ZC3H18: variants seen among roughly 807,000 people sequenced by gnomAD.
ZC3H18 encodes the protein zinc finger CCCH-type containing 18.
Under a neutral mutation model 106.1 loss-of-function variants are expected in ZC3H18, and 8 were observed. The observed-to-expected ratio is 0.08, with a 90% confidence interval of 0.04 to 0.14. The LOEUF (loss-of-function observed/expected upper bound fraction) is 0.14. ZC3H18 is among the 10% of genes least tolerant of loss of function. The probability of loss-of-function intolerance (pLI) is 1.00; values close to 1 mark genes in which losing one functional copy is unlikely to be tolerated. For synonymous variants in ZC3H18, 635 were observed against 522.1 expected (o/e 1.22, Z -2.95); for missense variants, 1,318 against 1,278.4 (o/e 1.03, Z -0.47).
intron 2 of ZC3H18, among the ~76,000 whole-genome samples, chr16:88,584,238 A>G (rs369418390): frequency 1.6e-4 from 25 of 152,258 alleles, no homozygotes; most frequent in Middle Eastern, 3.4e-3. Flanking sequence ...CCTGGCCAAC[A>G]TGGCAAAACC....
intron 8 of ZC3H18, among the ~76,000 whole-genome samples, chr16:88,620,199 C>T (rs1488061482): frequency 1.3e-5 from 2 of 152,212 alleles, no homozygotes; most frequent in East Asian, 1.9e-4. Flanking sequence ...TGTCGTGTGA[C>T]GTAAGCAGAT....
chr16:88,590,760 A>G (rs1399341933), intron 3 of ZC3H18, among the ~76,000 whole-genome samples: 1 of 150,940 alleles, frequency 6.6e-6, no homozygotes, highest in Non-Finnish European at 1.5e-5. Context: ...GGGTTTCATC[A>G]TGTTGGCCAG....
rs1038761515 is a variant in ZC3H18 at position 88,628,569 on chromosome 16, A to G, written c.2470-189A>G. The G allele has an allele frequency of 1.6e-5, 10 of 607,488 alleles. No individual in the cohort carries two copies. The Admixed American group carries it at 2.1e-4, about 13-fold the overall frequency. 37.6% of individuals were successfully genotyped at this position (607,488 alleles called of 1,614,324 possible). On this transcript the variant is annotated intron_variant, in intron 15 of 17. Transcript: ENST00000301011. ...TTCCCCTGGAACGTGAAGGGCCCCAAGTGCACAGTGGGGGTGCCCTTGGTC... is the reference window on the plus strand; with the variant it reads ...TTCCCCTGGAACGTGAAGGGCCCCAGGTGCACAGTGGGGGTGCCCTTGGTC...
intron 2 of ZC3H18, among the ~76,000 whole-genome samples, chr16:88,582,454 C>T (rs1244785139): frequency 2.0e-5 from 3 of 152,168 alleles, no homozygotes; most frequent in African/African-American, 7.2e-5. Flanking sequence ...GACCTCCTGA[C>T]CTCGTGATCC....
intron 8 of ZC3H18, among the ~76,000 whole-genome samples, chr16:88,619,515 C>G (rs1597354860): frequency 6.6e-6 from 1 of 152,284 alleles, no homozygotes; most frequent in Non-Finnish European, 1.5e-5. Context: ...TCACTGACCC[C>G]TGCTGGGCCT....
At chr16:88,603,217 C>G (rs1271961769) in intron 6 of ZC3H18, among the ~76,000 whole-genome samples, 2 of 151,976 alleles carry the variant, frequency 1.3e-5, no homozygotes, top group Non-Finnish European at 1.5e-5. Context: ...CTGCCTGCCT[C>G]GGCCTCCCAA....
At chr16:88,631,009 G>A in intron 17 of ZC3H18, 92 bp from the exon 18 acceptor site, 4 of 1,523,174 alleles carry the variant, frequency 2.6e-6, no homozygotes, top group Non-Finnish European at 3.6e-6. Context: ...TGGCCGCTGA[G>A]GACACAGTGG....
In ZC3H18 at chr16:88,630,559, G is replaced by T; in HGVS notation, c.2641G>T (p.Ala881Ser). Residue 881 changes from alanine (A) to serine (S), a missense_variant, in exon 17 of 18, where the codon GCC becomes TCC. By Grantham distance (99) the Ala-to-Ser change is moderately conservative. This residue lies in a region of ZC3H18 where 848 missense variants were observed against 821.7 expected (regional missense o/e 1.03). Transcript: ENST00000301011. ...GCGGCAGAGAGGCCAGAACTCCAAAGCCCCTGCAGCCCCGGCTGACAGGTG... is the reference window on the plus strand; with the variant it reads ...GCGGCAGAGAGGCCAGAACTCCAAATCCCCTGCAGCCCCGGCTGACAGGTG... ...PERQRGQNSK[A>S]PAAPADRKRQ... is the part of the protein sequence containing the mutation. 6.2e-7 allele frequency: 1 copy of T among 1,608,804 alleles called. No homozygotes were observed. Among genetic ancestry groups the T allele is most frequent in the Non-Finnish European group, 8.5e-7 (1 of 1,178,864 alleles).
chr16:88,590,038 T>G (rs1048968370), intron 3 of ZC3H18, among the ~76,000 whole-genome samples: 15 of 152,218 alleles, frequency 9.9e-5, no homozygotes, highest in Admixed American at 8.5e-4. Context: ...ATCCTAGCAC[T>G]TTGGGAAGCT....
intron 1 of ZC3H18, 63 bp downstream of exon 1, chr16:88,570,629 C>G (rs940874554): frequency 6.6e-6 from 1 of 150,446 alleles, no homozygotes; most frequent in African/African-American, 2.4e-5. Flanking sequence ...AGGAGGCCGC[C>G]GAGGCGGCGG....
rs1036828939 is a variant in ZC3H18 at position 88,609,166 on chromosome 16, A to G, written c.1206+115A>G. ...TATATGAGCTTATAGAGCCAGCACA[A>G]TGTACCAATTTGAAAACCAAATTGA... On this transcript the variant is annotated intron_variant, in intron 7 of 17. Coordinates refer to ENST00000301011, the MANE Select transcript of ZC3H18 (RefSeq NM_144604.4). The G allele has an allele frequency of 1.1e-5, 8 of 749,228 alleles. No homozygotes were observed. In the South Asian group the frequency reaches 1.1e-4, roughly 11 times the overall value. The allele number at this position is 749,228 out of a possible 1,614,324, so 46.4% of individuals were successfully genotyped here. A position where few individuals can be genotyped will look rare whatever the true frequency, so the allele number is the denominator to read the frequency against.
At chr16:88,625,588 G>T (rs140478757) in intron 13 of ZC3H18, 1 of 363,250 alleles carries the variant, frequency 2.8e-6, no homozygotes, top group Admixed American at 4.2e-5. Flanking sequence ...GGGAGGAGCC[G>T]GCAGCTTCCA....
rs143439252 is a variant in ZC3H18, at chr16:88,571,993, T to C, written c.-15+1427T>C. On this transcript the variant is annotated intron_variant, in intron 1 of 17. Coordinates refer to ENST00000301011, the MANE Select transcript of ZC3H18 (RefSeq NM_144604.4). ...AATCTCTTTAGAACTCCTGTTGTGG[T>C]AGTAAAAATGTAGTCATATGGGAAA... 4.6e-5 allele frequency among the ~76,000 whole-genome samples: 7 copies of C among 152,338 alleles called. No homozygotes were observed. The East Asian group carries it at 1.2e-3, about 25-fold the overall frequency.
intron 8 of ZC3H18, among the ~76,000 whole-genome samples, chr16:88,616,856 G>T (rs1905639876): frequency 6.6e-6 from 1 of 152,168 alleles, no homozygotes; most frequent in African/African-American, 2.4e-5. Context: ...CTGCACCAGG[G>T]CTAGGCCTTG....
rs1032925136 is a variant in ZC3H18 at position 88,631,460 on chromosome 16, C to T, written c.*161C>T. On this transcript the variant is annotated 3_prime_UTR_variant, in exon 18 of 18. Coordinates refer to ENST00000301011, the MANE Select transcript of ZC3H18 (RefSeq NM_144604.4). Reference sequence around the variant, plus strand: ...AAAGAAGCCACACAGGAAATGACAACGACGCTGAATCCCAGCCTCCCTCCC... The same window carrying T: ...AAAGAAGCCACACAGGAAATGACAATGACGCTGAATCCCAGCCTCCCTCCC... 1.3e-4 allele frequency: 132 copies of T among 983,604 alleles called. 1 individual carries two copies. Among genetic ancestry groups the T allele is most frequent in the Non-Finnish European group, 2.7e-5 (18 of 664,832 alleles). 60.9% of individuals were successfully genotyped at this position (983,604 alleles called of 1,614,324 possible).
intron 17 of ZC3H18, among the ~76,000 whole-genome samples, 194 bp from the exon 18 acceptor site, chr16:88,630,907 T>C (rs895493431): frequency 7.9e-5 from 12 of 152,214 alleles, no homozygotes; most frequent in African/African-American, 2.7e-4. Context: ...CCTCCCAGTC[T>C]GCTCCACAAA....
rs367739732 is a variant in ZC3H18 at position 88,586,582 on chromosome 16, C to T, written c.604-18C>T. ...GATAGATGCCTCCCCCACGCTAAGA[C>T]GGTGTTCTCTGTTTCAGGATGATGA... On this transcript the variant is annotated intron_variant, in intron 2 of 17. Coordinates refer to ENST00000301011, the MANE Select transcript of ZC3H18 (RefSeq NM_144604.4). 372 of 1,609,846 alleles carry T rather than the reference C, an allele frequency of 2.3e-4. 1 individual carries two copies. The highest frequency in any genetic ancestry group is 3.1e-4 in the Non-Finnish European group (359 of 1,176,162).
In ZC3H18 at chr16:88,601,769, TGTTACA is replaced by T. The variant is rs574321548; in HGVS notation, c.1088+1826_1088+1831del. 1.8e-3 allele frequency among the ~76,000 whole-genome samples: 276 copies of T among 152,282 alleles called. 3 individuals are homozygous for T. The South Asian group carries it at 0.037, about 20-fold the overall frequency. ...GTTTTTATAGAGTAGCCTCTGTGTA[TGTTACA>T]GTTAACCTGAGGCCTTTTGTGCCAT... On this transcript the variant is annotated intron_variant, in intron 6 of 17. Transcript: ENST00000301011.
Position 88,591,778 on chromosome 16 carries a change from G to A in ZC3H18, c.688+5094G>A, listed in dbSNP as rs552614191. ...TGGCAGTGGAGTTGCTGATGACCTG[G>A]TGGTTGTGTGTTTCATCTTTTGTGG... On this transcript the variant is annotated intron_variant, in intron 3 of 17. Transcript: ENST00000301011. 2.6e-5 allele frequency among the ~76,000 whole-genome samples: 4 copies of A among 152,338 alleles called. No homozygotes were observed. The East Asian group carries it at 7.7e-4, about 29-fold the overall frequency.
Sources: allele counts gnomAD v4.1 joint callset (sites outside exome capture counted in the v4.1 genomes callset), GRCh38; gene constraint gnomAD v4.1.1; regional missense constraint gnomAD v4.1.1; transcripts MANE v1.5; gene names NCBI Gene and HGNC (gene_info 2026-07-23, HGNC 2026-07-21).